Variants in DCBLD2 observed in about 807,000 individuals in gnomAD.
DCBLD2 encodes the protein discoidin, CUB and LCCL domain-containing protein 2.
A neutral mutation model predicts 86.8 loss-of-function variants in DCBLD2; 54 were observed. The observed-to-expected ratio is 0.62, with a 90% CI of 0.50 to 0.78. DCBLD2 has a LOEUF of 0.78. Ranked by LOEUF, DCBLD2 falls within the 30% of genes least tolerant of loss-of-function variation. The pLI, the probability that DCBLD2 is intolerant of heterozygous loss-of-function variation, is 0.00. For synonymous variants in DCBLD2, 354 were observed against 341.3 expected (o/e 1.04, Z -0.41); for missense variants, 908 against 954.2 (o/e 0.95, Z 0.64).
chr3:98,886,567 C>T (rs1020817233), intron 1 of DCBLD2, among the ~76,000 whole-genome samples: 2 of 152,032 alleles, frequency 1.3e-5, no homozygotes, highest in Non-Finnish European at 2.9e-5. Flanking sequence ...TCTTCCTCCT[C>T]GACATGTTCT....
rs781514518 is a variant in DCBLD2, at chr3:98,817,800, A to G, written c.1181T>C (p.Val394Ala). 1.2e-6 allele frequency: 2 copies of G among 1,613,776 alleles called. No homozygotes were observed. The highest frequency in any genetic ancestry group is 1.7e-5 in the Admixed American group (1 of 59,996). ...TTGCTCCACACCAGGCTCTCTGTAC[A>G]CAGTCCATTTCTGCCCATCATCACT... ...LYSDDGQKWT[V>A]YREPGVEQDK... The change falls in exon 9 of 16, where the codon GTG (valine) becomes GCG (alanine). Residue 394 changes from valine to alanine, a missense_variant. By Grantham distance (64) the Val-to-Ala change is moderately conservative. Transcript: ENST00000326840.
chr3:98,829,339 T>C (rs1942281171), intron 3 of DCBLD2, among the ~76,000 whole-genome samples: 1 of 152,132 alleles, frequency 6.6e-6, no homozygotes, highest in South Asian at 2.1e-4. Context: ...GATTGTTATA[T>C]AGGTAAACTT....
intron 1 of DCBLD2, among the ~76,000 whole-genome samples, chr3:98,899,726 T>TA (rs1943815864): frequency 6.6e-6 from 1 of 152,138 alleles, no homozygotes; most frequent in African/African-American, 2.4e-5. Flanking sequence ...CAAGGTACCT[T>TA]ATATTCTTTG....
At chr3:98,822,824 C>A in intron 4 of DCBLD2, 83 bp from the exon 5 acceptor site, 1 of 1,208,916 alleles carries the variant, frequency 8.3e-7, no homozygotes, top group Non-Finnish European at 1.2e-6. Flanking sequence ...ATCACAGACA[C>A]ATTTTTCAGT....
chr3:98,855,388 C>CACAAAA (rs915622737), intron 2 of DCBLD2, among the ~76,000 whole-genome samples: 2 of 152,068 alleles, frequency 1.3e-5, no homozygotes, highest in African/African-American at 4.8e-5. Context: ...ATAGTACAGC[C>CACAAAA]ACAAAAACAT....
At chr3:98,832,189 T>C (rs1036962783) in intron 3 of DCBLD2, among the ~76,000 whole-genome samples, 12 of 152,228 alleles carry the variant, frequency 7.9e-5, no homozygotes, top group African/African-American at 2.7e-4. Context: ...CTTTACATTA[T>C]GTAATGCCCT....
chr3:98,858,073 G>T (rs1327861117), intron 2 of DCBLD2, among the ~76,000 whole-genome samples: 1 of 152,232 alleles, frequency 6.6e-6, no homozygotes, highest in Non-Finnish European at 1.5e-5. Context: ...ACGGTGGGGG[G>T]CAGGCTCAGG....
intron 1 of DCBLD2, among the ~76,000 whole-genome samples, chr3:98,886,080 C>T (rs1025179490): frequency 2.0e-5 from 3 of 151,784 alleles, no homozygotes; most frequent in Non-Finnish European, 4.4e-5. Context: ...TTCCATTTGG[C>T]CCAAAGGGTA....
chr3:98,895,075 T>G (rs1688370907), intron 1 of DCBLD2, among the ~76,000 whole-genome samples: 1 of 149,450 alleles, frequency 6.7e-6, no homozygotes, highest in South Asian at 2.1e-4. Context: ...TATGAAGAGG[T>G]TAGTATAGGG....
intron 2 of DCBLD2, among the ~76,000 whole-genome samples, chr3:98,858,321 G>A (rs566931130): frequency 5.3e-5 from 8 of 152,320 alleles, no homozygotes; most frequent in East Asian, 3.9e-4. Context: ...ACACCTACCC[G>A]CAAGCTGAGG....
chr3:98,824,348 A>T (rs1330646812), intron 4 of DCBLD2, among the ~76,000 whole-genome samples: 1 of 151,978 alleles, frequency 6.6e-6, no homozygotes. Flanking sequence ...GGATAATGGG[A>T]GCTTGGATTT....
At chr3:98,858,890 G>A (rs1942986810) in intron 2 of DCBLD2, among the ~76,000 whole-genome samples, 2 of 152,230 alleles carry the variant, frequency 1.3e-5, no homozygotes, top group Admixed American at 1.3e-4. Flanking sequence ...CGACGCAGAA[G>A]ATGGGTGATT....
At chr3:98,868,752 T>C (rs1943206538) in intron 2 of DCBLD2, among the ~76,000 whole-genome samples, 1 of 152,198 alleles carries the variant, frequency 6.6e-6, no homozygotes, top group Non-Finnish European at 1.5e-5. Flanking sequence ...TGATCCCCAG[T>C]TCTATCCAAG....
In DCBLD2 at chr3:98,820,304, G is replaced by GT. The variant is rs749194599; in HGVS notation, c.831-17dup. The stretch of plus-strand genomic sequence containing the variant: ...TAAGTGTCCCCTGAAAGAGAGAAGG[G>GT]TTTTTTTTGGTGATACTCACATAAC... On this transcript the variant is annotated splice_polypyrimidine_tract_variant and intron_variant, in intron 6 of 15. Coordinates refer to ENST00000326840, the MANE Select transcript of DCBLD2 (RefSeq NM_080927.4). 1.9e-4 allele frequency: 278 copies of GT among 1,449,098 alleles called. No individual in the cohort carries two copies. Among genetic ancestry groups the GT allele is most frequent in the South Asian group, 1.0e-3 (58 of 56,860 alleles). The allele number at this position is 1,449,098 out of a possible 1,614,324, so 89.8% of individuals were successfully genotyped here. A position where few individuals can be genotyped will look rare whatever the true frequency, so the allele number is the denominator to read the frequency against.
At chr3:98,890,774 G>T (rs1943647088) in intron 1 of DCBLD2, among the ~76,000 whole-genome samples, 1 of 151,776 alleles carries the variant, frequency 6.6e-6, no homozygotes, top group Admixed American at 6.6e-5. Context: ...ATGTAACCTT[G>T]TTACTACCAG....
At chr3:98,901,090 C>A (rs1474142941) in intron 1 of DCBLD2, 32 bp downstream of exon 1, 3 of 1,537,800 alleles carry the variant, frequency 2.0e-6, no homozygotes, top group Non-Finnish European at 2.6e-6. Flanking sequence ...GACGGAGGTT[C>A]CCCCGCCGCT....
At chr3:98,821,001 A>C (rs933843428) in intron 6 of DCBLD2, 4 of 151,404 alleles carry the variant, frequency 2.6e-5, no homozygotes, top group Non-Finnish European at 5.9e-5. Context: ...AAAAAAAAGA[A>C]GGGAAGGTAG....
rs1367751863 is a variant in DCBLD2 at position 98,836,701 on chromosome 3, G to A, written c.572-11335C>T. On this transcript the variant is annotated intron_variant, in intron 3 of 15. Transcript: ENST00000326840. ...CAGAGGCGCCCATCACCTCCCGGAC[G>A]GGGCGGCTGGCCGGGCGGGGGGGCT... Among the ~76,000 whole-genome samples, 16 of 86,640 alleles carry A rather than the reference G, an allele frequency of 1.8e-4. 1 individual carries two copies. The highest frequency in any genetic ancestry group is 5.7e-3 in the Middle Eastern group (1 of 176). The allele number at this position is 86,640 out of a possible 152,430, so 56.8% of individuals were successfully genotyped here.
chr3:98,884,419 A>C (rs934242116), intron 1 of DCBLD2, among the ~76,000 whole-genome samples: 1 of 151,892 alleles, frequency 6.6e-6, no homozygotes, highest in East Asian at 1.9e-4. Context: ...AAAAAAAACC[A>C]CAAATTTCCC....
Sources: gnomAD v4.1 joint callset for allele counts (sites outside exome capture counted in the v4.1 genomes callset) on GRCh38, gnomAD v4.1.1 for gene constraint, MANE v1.5 for transcripts, NCBI Gene and HGNC (gene_info 2026-07-23, HGNC 2026-07-21) for gene names.